DIAPH2: variants seen among roughly 807,000 people sequenced by gnomAD.
The protein encoded by DIAPH2 is diaphanous related formin 2, also known as protein diaphanous homolog 2.
DIAPH2 carries 35 observed loss-of-function variants against 92.7 expected under a neutral mutation model. The ratio of observed to expected loss-of-function variants is 0.38; its 90% CI spans 0.29 to 0.50. DIAPH2 has a LOEUF of 0.50. DIAPH2 is among the 20% of genes least tolerant of loss of function. DIAPH2 has a pLI of 0.94. For missense variants in DIAPH2, 701 were observed against 819.5 expected (o/e 0.86, Z 1.77); for synonymous variants, 301 against 280.4 (o/e 1.07, Z -0.73).
intron 17 of DIAPH2, among the ~76,000 whole-genome samples, chrX:96,997,881 T>C (rs1421240960): frequency 1.8e-5 from 2 of 112,334 alleles, no homozygotes; most frequent in East Asian, 2.8e-4. Flanking sequence ...ATATTCCTTA[T>C]TTGAAAAGAT....
At chrX:97,353,382 G>A (rs981002133) in intron 24 of DIAPH2, among the ~76,000 whole-genome samples, 4 of 110,718 alleles carry the variant, frequency 3.6e-5, no homozygotes, top group Non-Finnish European at 7.6e-5. Context: ...AAGTGTTCAC[G>A]GCAAGTATTA....
At chrX:97,336,372 A>G (rs1355207697) in intron 23 of DIAPH2, among the ~76,000 whole-genome samples, 1 of 106,348 alleles carries the variant, frequency 9.4e-6, no homozygotes, top group African/African-American at 3.5e-5. Context: ...CAGCCTCCCG[A>G]GTAGCTGGGA....
At chrX:96,756,041 G>GT (rs1425741004) in intron 3 of DIAPH2, among the ~76,000 whole-genome samples, 1 of 110,800 alleles carries the variant, frequency 9.0e-6, no homozygotes, top group African/African-American at 3.3e-5. Context: ...TTTTTTAAAA[G>GT]TTTTTATAGA....
In DIAPH2 at chrX:97,396,420, C is replaced by T. The variant is rs1263190317; in HGVS notation, c.3145+12376C>T. Among the ~76,000 whole-genome samples the T allele has an allele frequency of 9.9e-5, 11 of 110,876 alleles. No individual in the cohort carries two copies. The Admixed American group carries it at 1.1e-3, about 11-fold the overall frequency. ...GGCGCAGTGGCTCACACCTGTAATC[C>T]CGGCACTTTGGGAGGCTGAGGCGGG... On this transcript the variant is annotated intron_variant, in intron 25 of 26. Coordinates refer to ENST00000324765, the MANE Select transcript of DIAPH2 (RefSeq NM_006729.5).
intron 10 of DIAPH2, among the ~76,000 whole-genome samples, chrX:96,933,096 AT>A (rs200550039): frequency 4.6e-5 from 5 of 109,564 alleles, no homozygotes; most frequent in South Asian, 3.9e-4. Flanking sequence ...GATTCTCATA[AT>A]TTTTTTTTCC....
intron 26 of DIAPH2, among the ~76,000 whole-genome samples, chrX:97,496,168 C>CTTTTTTTTT (rs10632820): frequency 9.2e-5 from 5 of 54,096 alleles, no homozygotes; most frequent in Admixed American, 3.3e-4. Context: ...GAATTGGTAC[C>CTTTTTTTTT]TTTTTTTTTT....
intron 13 of DIAPH2, 147 bp from the exon 14 acceptor site, chrX:96,945,380 G>A (rs930626696): frequency 5.3e-6 from 2 of 376,096 alleles, no homozygotes; most frequent in African/African-American, 5.4e-5. Context: ...TGATTTTTAT[G>A]TTTTATGTAT....
chrX:97,242,398 C>T (rs1204871124), intron 22 of DIAPH2, among the ~76,000 whole-genome samples: 2 of 109,024 alleles, frequency 1.8e-5, no homozygotes, highest in African/African-American at 6.7e-5. Flanking sequence ...GAGTTTCACT[C>T]TGTCGCCCAG....
intron 23 of DIAPH2, 31 bp downstream of exon 23, chrX:97,247,870 A>G (rs371531317): frequency 1.2e-4 from 144 of 1,178,545 alleles, no homozygotes; most frequent in Middle Eastern, 2.3e-4. Context: ...CATTTTGTCT[A>G]GTTTTTAGTC....
chrX:97,395,224 A>G (rs1339226964), intron 25 of DIAPH2, among the ~76,000 whole-genome samples: 1 of 111,643 alleles, frequency 9.0e-6, no homozygotes, highest in African/African-American at 3.3e-5. Flanking sequence ...GTTTTGATTA[A>G]TCTGACTTTA....
intron 26 of DIAPH2, among the ~76,000 whole-genome samples, chrX:97,579,284 G>C (rs1321635505): frequency 2.5e-4 from 28 of 109,861 alleles, no homozygotes; most frequent in Admixed American, 6.8e-4. Flanking sequence ...AGGTTTTCTT[G>C]TAGGGTTTTT....
intron 5 of DIAPH2, among the ~76,000 whole-genome samples, chrX:96,893,846 A>T (rs1253112271): frequency 1.8e-5 from 2 of 111,590 alleles, no homozygotes; most frequent in African/African-American, 3.3e-5. Flanking sequence ...TTGAAAGAAG[A>T]TCCATGTGCA....
At chrX:96,707,999 A>G (rs762125991) in intron 1 of DIAPH2, among the ~76,000 whole-genome samples, 2 of 111,429 alleles carry the variant, frequency 1.8e-5, no homozygotes, top group East Asian at 5.7e-4. Flanking sequence ...CTTAATCTAC[A>G]TTGCAGATGA....
intron 26 of DIAPH2, among the ~76,000 whole-genome samples, chrX:97,503,633 A>G (rs1490533896): frequency 8.9e-6 from 1 of 112,081 alleles, no homozygotes; most frequent in Non-Finnish European, 1.9e-5. Context: ...GCAATGGCAC[A>G]AGAAGTCCAT....
intron 24 of DIAPH2, among the ~76,000 whole-genome samples, chrX:97,370,860 A>T (rs1366643081): frequency 2.7e-5 from 3 of 112,285 alleles, no homozygotes; most frequent in Non-Finnish European, 5.6e-5. Flanking sequence ...AGGAGTTTCA[A>T]TTACAGTGTA....
chrX:96,901,536 T>G lies in DIAPH2; in HGVS notation c.588-10792T>G, dbSNP rs1340526060. Among the ~76,000 whole-genome samples the G allele has an allele frequency of 5.9e-3, 348 of 59,108 alleles. 9 individuals carry two copies. The highest frequency in any genetic ancestry group is 0.021 in the African/African-American group (321 of 15,201). The allele number at this position is 59,108 out of a possible 115,157, so 51.3% of individuals were successfully genotyped here. A position where few individuals can be genotyped will look rare whatever the true frequency, so the allele number is the denominator to read the frequency against. On this transcript the variant is annotated intron_variant, in intron 5 of 26. Transcript: ENST00000324765. ...TTTGTTTGTTCTTTTCTTTCTGTTT[T>G]TTTTTTTTTTTTTTTTTTTTTTTGA...
At chrX:97,143,587 TTA>T (rs1487130592) in intron 22 of DIAPH2, among the ~76,000 whole-genome samples, 5 of 110,192 alleles carry the variant, frequency 4.5e-5, no homozygotes, top group Non-Finnish European at 9.5e-5. Context: ...CAATCAACAG[TTA>T]TATATATGTT....
At chrX:97,366,962 A>G (rs2069386782) in intron 24 of DIAPH2, among the ~76,000 whole-genome samples, 1 of 112,055 alleles carries the variant, frequency 8.9e-6, no homozygotes, top group Non-Finnish European at 1.9e-5. Flanking sequence ...TCAAAAGGGC[A>G]TACAGAAGTT....
intron 22 of DIAPH2, among the ~76,000 whole-genome samples, chrX:97,238,185 G>C (rs1004905601): frequency 8.9e-6 from 1 of 111,948 alleles, no homozygotes; most frequent in Non-Finnish European, 1.9e-5. Context: ...TTATTACTTA[G>C]ACAGTTTCAA....
Sources: allele counts gnomAD v4.1 joint callset (sites outside exome capture counted in the v4.1 genomes callset), GRCh38; gene constraint gnomAD v4.1.1; transcripts MANE v1.5; gene names NCBI Gene and HGNC (gene_info 2026-07-23, HGNC 2026-07-21).